C8orf34: variants seen among roughly 807,000 people sequenced by gnomAD.
The protein encoded by C8orf34 is uncharacterized protein C8orf34.
In C8orf34, 65 loss-of-function variants were observed where a neutral mutation model predicts 68.3. The observed-to-expected ratio is 0.95, with a 90% CI of 0.78 to 1.17. C8orf34 has a LOEUF of 1.17. C8orf34 is among the 50% of genes most tolerant of loss of function. The pLI is 0.00. For missense variants in C8orf34, 664 were observed against 655.4 expected, an observed-to-expected ratio of 1.01 and a Z score of -0.14; for synonymous variants, 244 against 241.2, an observed-to-expected ratio of 1.01 and a Z score of -0.11.
intron 12 of C8orf34, among the ~76,000 whole-genome samples, chr8:68,812,010 T>C (rs1824666393): frequency 6.6e-6 from 1 of 152,150 alleles, no homozygotes; most frequent in Non-Finnish European, 1.5e-5. Context: ...AAGAGAGGAA[T>C]GATCTCACTC....
At chr8:68,624,447 A>T (rs138899342) in intron 7 of C8orf34, among the ~76,000 whole-genome samples, 2 of 152,310 alleles carry the variant, frequency 1.3e-5, no homozygotes, top group African/African-American at 4.8e-5. Flanking sequence ...AGCGGTATGT[A>T]CATAAAAGCT....
At chr8:68,465,749 A>G (rs1812092591) in intron 3 of C8orf34, among the ~76,000 whole-genome samples, 1 of 151,654 alleles carries the variant, frequency 6.6e-6, no homozygotes, top group Non-Finnish European at 1.5e-5. Flanking sequence ...GGAATTGAAC[A>G]ATGAGAACAC....
chr8:68,662,443 C>T (rs534163280), intron 8 of C8orf34, among the ~76,000 whole-genome samples: 4 of 152,108 alleles, frequency 2.6e-5, no homozygotes, highest in Non-Finnish European at 5.9e-5. Context: ...TTGTCAAGGG[C>T]AGGGCCAGGT....
intron 7 of C8orf34, among the ~76,000 whole-genome samples, chr8:68,576,318 G>A (rs562287616): frequency 9.4e-5 from 14 of 148,500 alleles, no homozygotes; most frequent in African/African-American, 3.4e-4. Flanking sequence ...ATACTCTGTG[G>A]TAAGGAATAA....
chr8:68,472,640 C>A (rs992253122), intron 4 of C8orf34, among the ~76,000 whole-genome samples: 1 of 152,068 alleles, frequency 6.6e-6, no homozygotes, highest in Non-Finnish European at 1.5e-5. Flanking sequence ...TTCAGCTAAG[C>A]ATTTTCCAGT....
At chr8:68,532,486 A>C (rs372638568) in intron 6 of C8orf34, among the ~76,000 whole-genome samples, 29 of 152,318 alleles carry the variant, frequency 1.9e-4, no homozygotes, top group African/African-American at 5.5e-4. Flanking sequence ...AATAAAAGCA[A>C]GACAATTCAA....
At position 68,744,588 on chromosome 8, in the gene C8orf34, C is replaced by T. The variant is rs879873714; in HGVS notation, c.1404+23151C>T. 2.6e-5 allele frequency among the ~76,000 whole-genome samples: 4 copies of T among 152,086 alleles called. No individual in the cohort carries two copies. In the South Asian group the frequency reaches 6.2e-4, roughly 24 times the overall value. On this transcript the variant is annotated intron_variant, in intron 10 of 13. Transcript: ENST00000518698. ...AGGCTCGAGAACTACGTGAAGAATGCAGAAGCCTCAGGAGCCGATGCGATC... is the reference window on the plus strand; with the variant it reads ...AGGCTCGAGAACTACGTGAAGAATGTAGAAGCCTCAGGAGCCGATGCGATC...
intron 1 of C8orf34, among the ~76,000 whole-genome samples, chr8:68,353,096 A>G (rs1055795051): frequency 7.2e-5 from 11 of 152,176 alleles, no homozygotes; most frequent in African/African-American, 2.6e-4. Flanking sequence ...GAGTAGGGAA[A>G]CCCATGGGCT....
chr8:68,420,526 A>C (rs1254972525), intron 1 of C8orf34, among the ~76,000 whole-genome samples: 2 of 150,176 alleles, frequency 1.3e-5, no homozygotes, highest in Non-Finnish European at 2.9e-5. Flanking sequence ...GAAATGCAAC[A>C]TGTGGCACAC....
chr8:68,766,190 G>A (rs1048548190), intron 10 of C8orf34, among the ~76,000 whole-genome samples: 5 of 152,148 alleles, frequency 3.3e-5, no homozygotes, highest in Non-Finnish European at 5.9e-5. Flanking sequence ...CATGAGAGAC[G>A]TAAAGTCCTT....
At chr8:68,747,912 G>A (rs1397605355) in intron 10 of C8orf34, among the ~76,000 whole-genome samples, 1 of 152,094 alleles carries the variant, frequency 6.6e-6, no homozygotes, top group East Asian at 1.9e-4. Flanking sequence ...AATCAAAAAA[G>A]AGCCCGCATC....
chr8:68,666,387 T>C (rs184392621), intron 8 of C8orf34, among the ~76,000 whole-genome samples: 16 of 152,344 alleles, frequency 1.1e-4, no homozygotes, highest in Non-Finnish European at 1.8e-4. Flanking sequence ...TGTGGCTATG[T>C]CTGCCCTTTT....
chr8:68,746,888 G>A (rs1021301737), intron 10 of C8orf34, among the ~76,000 whole-genome samples: 3 of 152,028 alleles, frequency 2.0e-5, no homozygotes, highest in Non-Finnish European at 4.4e-5. Context: ...ATTTTATGAG[G>A]CCAGCATCAT....
intron 7 of C8orf34, among the ~76,000 whole-genome samples, chr8:68,570,615 A>C (rs1040256739): frequency 2.6e-5 from 4 of 152,184 alleles, no homozygotes; most frequent in African/African-American, 9.7e-5. Flanking sequence ...AAACTAGTAC[A>C]TTGGTTCCGA....
At chr8:68,466,392 G>A (rs763753373) in intron 3 of C8orf34, among the ~76,000 whole-genome samples, 1 of 151,882 alleles carries the variant, frequency 6.6e-6, no homozygotes, top group Non-Finnish European at 1.5e-5. Context: ...GATTAAATAT[G>A]TTCTCTATGT....
intron 12 of C8orf34, among the ~76,000 whole-genome samples, chr8:68,811,460 G>T (rs1175292494): frequency 1.3e-5 from 2 of 152,176 alleles, no homozygotes; most frequent in Non-Finnish European, 2.9e-5. Flanking sequence ...CAACTCAGAC[G>T]CAGGCAGCTT....
intron 4 of C8orf34, among the ~76,000 whole-genome samples, chr8:68,484,692 C>T (rs1400210094): frequency 6.6e-6 from 1 of 152,140 alleles, no homozygotes; most frequent in East Asian, 1.9e-4. Flanking sequence ...GATATCCTGG[C>T]CACTCAGTAT....
intron 2 of C8orf34, among the ~76,000 whole-genome samples, chr8:68,441,412 G>T (rs1046019466): frequency 6.6e-6 from 1 of 152,130 alleles, no homozygotes; most frequent in East Asian, 1.9e-4. Context: ...TCACATAGCA[G>T]CAGTTTACTA....
chr8:68,448,782 A>G (rs1018583856), intron 3 of C8orf34, among the ~76,000 whole-genome samples: 1 of 152,110 alleles, frequency 6.6e-6, no homozygotes, highest in African/African-American at 2.4e-5. Flanking sequence ...ATTTTTTAAA[A>G]TATAAGAAAC....
Sources: allele counts gnomAD v4.1 joint callset (sites outside exome capture counted in the v4.1 genomes callset), GRCh38; gene constraint gnomAD v4.1.1; transcripts MANE v1.5; gene names NCBI Gene and HGNC (gene_info 2026-07-23, HGNC 2026-07-21).